The following FSTL5 variants were observed in gnomAD, a reference collection of about 807,000 sequenced individuals.
The protein encoded by FSTL5 is follistatin like 5, also known as follistatin-related protein 5.
Under a neutral mutation model 89.1 loss-of-function variants are expected in FSTL5, and 62 were observed. That is an observed-to-expected ratio of 0.70 (90% CI 0.57 to 0.86). The LOEUF (loss-of-function observed/expected upper bound fraction) is 0.86, where lower values mean the gene tolerates loss of function less well. Among genes scored for constraint, FSTL5 ranks in the 40% least tolerant of loss-of-function variants. The probability of loss-of-function intolerance (pLI) is 0.00; values close to 1 mark genes in which losing one functional copy is unlikely to be tolerated. For synonymous variants in FSTL5, 383 were observed against 346.2 expected (o/e 1.11, Z -1.18); for missense variants, 1,057 against 1,001.6 (o/e 1.06, Z -0.75).
intron 3 of FSTL5, among the ~76,000 whole-genome samples, chr4:161,926,722 G>T (rs1734137664): frequency 6.6e-6 from 1 of 151,710 alleles, no homozygotes; most frequent in South Asian, 2.1e-4. Flanking sequence ...ATTCCACAAA[G>T]GATTTTCTAA....
intron 12 of FSTL5, among the ~76,000 whole-genome samples, chr4:161,486,351 T>C (rs1729677947): frequency 6.6e-6 from 1 of 152,052 alleles, no homozygotes; most frequent in South Asian, 2.1e-4. Context: ...CCCATGTTTC[T>C]TAGGCAGACA....
chr4:161,665,561 T>G (rs1736865446), intron 6 of FSTL5, among the ~76,000 whole-genome samples: 1 of 152,066 alleles, frequency 6.6e-6, no homozygotes, highest in Non-Finnish European at 1.5e-5. Flanking sequence ...TTTTGCAAAT[T>G]AAAAGATACA....
intron 4 of FSTL5, among the ~76,000 whole-genome samples, chr4:161,873,481 G>GTTCCTTCC (rs559177709): frequency 6.7e-6 from 1 of 148,942 alleles, no homozygotes; most frequent in African/African-American, 2.5e-5. Flanking sequence ...TATTTCCTTA[G>GTTCCTTCC]TTCCTTCCTT....
intron 1 of FSTL5, among the ~76,000 whole-genome samples, chr4:162,131,392 T>A (rs1390920289): frequency 6.6e-6 from 1 of 152,176 alleles, no homozygotes; most frequent in African/African-American, 2.4e-5. Flanking sequence ...TATAAAAATA[T>A]CAAAGTTGCT....
intron 6 of FSTL5, among the ~76,000 whole-genome samples, chr4:161,689,593 C>T (rs947723858): frequency 1.4e-4 from 21 of 152,026 alleles, no homozygotes; most frequent in Admixed American, 2.0e-4. Context: ...ACACTTGCGG[C>T]TTGCAGTATA....
At chr4:161,494,520 C>G (rs530323766) in intron 12 of FSTL5, among the ~76,000 whole-genome samples, 1 of 152,284 alleles carries the variant, frequency 6.6e-6, no homozygotes, top group African/African-American at 2.4e-5. Context: ...CATTGAGCTT[C>G]CCAATTTCTA....
intron 2 of FSTL5, among the ~76,000 whole-genome samples, chr4:162,039,043 G>T (rs541021857): frequency 3.4e-4 from 51 of 151,866 alleles, no homozygotes; most frequent in African/African-American, 1.2e-3. Context: ...CTAGTCATGT[G>T]CTCTCTGATC....
intron 4 of FSTL5, among the ~76,000 whole-genome samples, chr4:161,905,481 C>T (rs1275280798): frequency 2.0e-5 from 3 of 151,940 alleles, no homozygotes; most frequent in Non-Finnish European, 4.4e-5. Flanking sequence ...TTTTGGAAAA[C>T]GATTATGACC....
intron 7 of FSTL5, among the ~76,000 whole-genome samples, chr4:161,617,047 C>G (rs1734899219): frequency 6.6e-6 from 1 of 151,052 alleles, no homozygotes; most frequent in African/African-American, 2.4e-5. Context: ...CAATAAGTAC[C>G]AAAAGACCTT....
chr4:161,766,935 GA>G (rs1275247643), intron 5 of FSTL5, among the ~76,000 whole-genome samples: 1 of 151,942 alleles, frequency 6.6e-6, no homozygotes, highest in Non-Finnish European at 1.5e-5. Context: ...TAGATAGATA[GA>G]TAGATAGATA....
At chr4:161,797,537 T>G (rs568145023) in intron 4 of FSTL5, among the ~76,000 whole-genome samples, 1 of 151,756 alleles carries the variant, frequency 6.6e-6, no homozygotes, top group South Asian at 2.1e-4. Flanking sequence ...AAATGACAAG[T>G]ATTCTCCAAA....
chr4:162,069,628 G>A (rs966651172), intron 2 of FSTL5, among the ~76,000 whole-genome samples: 1 of 151,844 alleles, frequency 6.6e-6, no homozygotes, highest in Non-Finnish European at 1.5e-5. Flanking sequence ...CTCTATATGA[G>A]TTAGAGCAAG....
intron 6 of FSTL5, among the ~76,000 whole-genome samples, chr4:161,684,546 T>C (rs1737644592): frequency 6.6e-6 from 1 of 152,250 alleles, no homozygotes; most frequent in South Asian, 2.1e-4. Context: ...TTCATATGTT[T>C]GTTGTCTATT....
chr4:161,489,873 T>C (rs773062738), intron 12 of FSTL5, among the ~76,000 whole-genome samples: 2 of 152,092 alleles, frequency 1.3e-5, no homozygotes, highest in Non-Finnish European at 2.9e-5. Context: ...GGATACTTTG[T>C]TAATGCAGCT....
intron 4 of FSTL5, among the ~76,000 whole-genome samples, chr4:161,878,593 G>C (rs1016723636): frequency 4.0e-5 from 6 of 151,740 alleles, no homozygotes; most frequent in Non-Finnish European, 1.5e-5. Context: ...AATATAATAA[G>C]AAAATACAAC....
intron 13 of FSTL5, among the ~76,000 whole-genome samples, chr4:161,462,498 A>T (rs567598740): frequency 6.6e-6 from 1 of 152,204 alleles, no homozygotes; most frequent in South Asian, 2.1e-4. Context: ...TCAAACTTTA[A>T]CTCTTTCACT....
chr4:161,682,355 T>C (rs745337442), intron 6 of FSTL5, among the ~76,000 whole-genome samples: 3 of 152,166 alleles, frequency 2.0e-5, no homozygotes, highest in Non-Finnish European at 4.4e-5. Context: ...TCACTGTAAG[T>C]TTTTACTTTG....
At chr4:161,612,569 A>C (rs1351820912) in intron 7 of FSTL5, among the ~76,000 whole-genome samples, 1 of 152,186 alleles carries the variant, frequency 6.6e-6, no homozygotes, top group African/African-American at 2.4e-5. Flanking sequence ...TTGTGATATA[A>C]TTTTCTAAAT....
chr4:161,960,449 C>T (rs559520075), intron 3 of FSTL5, among the ~76,000 whole-genome samples: 8 of 151,886 alleles, frequency 5.3e-5, no homozygotes, highest in African/African-American at 1.9e-4. Flanking sequence ...GTGCTGGGTG[C>T]TGGGATTACA....
Sources: gnomAD v4.1 joint callset for allele counts (sites outside exome capture counted in the v4.1 genomes callset) on GRCh38, gnomAD v4.1.1 for gene constraint, MANE v1.5 for transcripts, NCBI Gene and HGNC (gene_info 2026-07-23, HGNC 2026-07-21) for gene names.